CYS1: variants seen among roughly 807,000 people sequenced by gnomAD.
The protein encoded by CYS1 is cystin-1.
CYS1 carries 5 observed loss-of-function variants against 9.6 expected under a neutral mutation model. That is an observed-to-expected ratio of 0.52 (90% CI 0.27 to 1.10). The LOEUF (loss-of-function observed/expected upper bound fraction) is 1.10, where lower values mean the gene tolerates loss of function less well. Ranked by LOEUF, CYS1 falls within the 50% of genes least tolerant of loss-of-function variation. The pLI, the probability that CYS1 is intolerant of heterozygous loss-of-function variation, is 0.11. For missense variants in CYS1, 221 were observed against 207.9 expected, an observed-to-expected ratio of 1.06 and a Z score of -0.39; for synonymous variants, 88 against 95.7, an observed-to-expected ratio of 0.92 and a Z score of 0.47.
At chr2:10,071,123 G>A (rs775184673) in intron 1 of CYS1, among the ~76,000 whole-genome samples, 4 of 152,176 alleles carry the variant, frequency 2.6e-5, no homozygotes. Context: ...CCGCCACCAC[G>A]CCCAACTAAT....
chr2:10,061,498 C>T (rs1411457133), intron 2 of CYS1, among the ~76,000 whole-genome samples: 1 of 152,260 alleles, frequency 6.6e-6, no homozygotes, highest in East Asian at 1.9e-4. Context: ...AAAAGCCCCT[C>T]TGGGCTCACC....
chr2:10,073,638 AG>A (rs1385979205), intron 1 of CYS1, among the ~76,000 whole-genome samples: 1 of 116,574 alleles, frequency 8.6e-6, no homozygotes, highest in Non-Finnish European at 1.9e-5. Flanking sequence ...CACGGCATTT[AG>A]GGGCAGAAGG....
chr2:10,066,931 A>T (rs1402025673), intron 1 of CYS1, among the ~76,000 whole-genome samples: 1 of 152,152 alleles, frequency 6.6e-6, no homozygotes, highest in African/African-American at 2.4e-5. Flanking sequence ...ATAAATAGGG[A>T]ATATCTATTC....
At chr2:10,067,424 T>G (rs993896106) in intron 1 of CYS1, among the ~76,000 whole-genome samples, 9 of 150,118 alleles carry the variant, frequency 6.0e-5, no homozygotes, top group Admixed American at 6.6e-5. Context: ...TTTTTTTTTT[T>G]TGAGACAGGG....
intron 2 of CYS1, among the ~76,000 whole-genome samples, chr2:10,061,814 T>C (rs1661632669): frequency 6.6e-6 from 1 of 152,094 alleles, no homozygotes; most frequent in Admixed American, 6.5e-5. Flanking sequence ...GGGCAATTTG[T>C]GGGGCTTAGA....
intron 1 of CYS1, among the ~76,000 whole-genome samples, chr2:10,073,888 C>A (rs995369089): frequency 7.9e-5 from 12 of 152,098 alleles, no homozygotes; most frequent in Non-Finnish European, 1.8e-4. Context: ...GTACCCCTGA[C>A]CGTGATGCAA....
intron 1 of CYS1, among the ~76,000 whole-genome samples, chr2:10,074,497 G>T (rs1661816733): frequency 6.6e-6 from 1 of 152,102 alleles, no homozygotes. Context: ...TATTACACAG[G>T]CTGGGAAGAC....
At chr2:10,067,406 C>CTTTTTTTT (rs34525296) in intron 1 of CYS1, among the ~76,000 whole-genome samples, 3 of 118,118 alleles carry the variant, frequency 2.5e-5, no homozygotes, top group African/African-American at 6.3e-5. Flanking sequence ...AAATTCTTTT[C>CTTTTTTTT]TTTTTTTTTT....
Position 10,058,822 on chromosome 2 carries a change from C to G in CYS1, c.*31G>C. ...GGGTGCCCCAGCCAGCAGGTGCCTC[C>G]GAGGCCTGGCGGGGGTGGAGCATGC... On this transcript the variant is annotated 3_prime_UTR_variant, in exon 3 of 3. Coordinates refer to ENST00000381813, the MANE Select transcript of CYS1 (RefSeq NM_001037160.3). The G allele has an allele frequency of 6.5e-7, 1 of 1,527,836 alleles. No individual in the cohort carries two copies. The highest frequency in any genetic ancestry group is 8.8e-7 in the Non-Finnish European group (1 of 1,132,362). The allele number at this position is 1,527,836 out of a possible 1,614,324, so 94.6% of individuals were successfully genotyped here.
intron 1 of CYS1, among the ~76,000 whole-genome samples, chr2:10,079,633 G>T (rs1307233771): frequency 6.6e-6 from 1 of 151,810 alleles, no homozygotes; most frequent in Non-Finnish European, 1.5e-5. Context: ...GGGCCCGAGG[G>T]GAGCCGGGAG....
At chr2:10,059,766 AC>A (rs1353334874) in intron 2 of CYS1, among the ~76,000 whole-genome samples, 1 of 152,232 alleles carries the variant, frequency 6.6e-6, no homozygotes, top group Non-Finnish European at 1.5e-5. Context: ...CCGTGCTTGT[AC>A]CCTCTGGGGT....
rs1661917867 is a variant in CYS1 at position 10,079,968 on chromosome 2, G to T, written c.256C>A (p.Pro86Thr). Residue 86 changes from proline (P) to threonine (T), a missense_variant, in exon 1 of 3, where the codon CCC becomes ACC. Transcript: ENST00000381813. The stretch of plus-strand genomic sequence containing the variant: ...GGGCGGCGCGGGGCGGGCTCCGGGG[G>T]GCCCCAGGCCGCCGACTCGGCCAGC... The part of the protein sequence containing the change: ...ELLAESAAWG[P>T]PEPAPRRPAR... The T allele has an allele frequency of 4.5e-6, 5 of 1,108,530 alleles. No homozygotes were observed. The South Asian group carries it at 1.7e-4, about 38-fold the overall frequency. 68.7% of individuals were successfully genotyped at this position (1,108,530 alleles called of 1,614,324 possible).
rs539463268 is a variant in CYS1 at position 10,059,481 on chromosome 2, G to T, written c.372-523C>A. Among the ~76,000 whole-genome samples the T allele has an allele frequency of 1.1e-3, 175 of 152,328 alleles. 2 individuals carry two copies. Among genetic ancestry groups the T allele is most frequent in the African/African-American group, 4.0e-3 (167 of 41,570 alleles). ...GGAGGCCCAGGTGGGCAGATCACTT[G>T]AGGTCAGGAATTCGAGACCAGCCTG... is the stretch of plus-strand genomic sequence containing the variant. On this transcript the variant is annotated intron_variant, in intron 2 of 2. Transcript: ENST00000381813.
At chr2:10,078,231 G>C (rs1661886737) in intron 1 of CYS1, among the ~76,000 whole-genome samples, 1 of 152,098 alleles carries the variant, frequency 6.6e-6, no homozygotes, top group African/African-American at 2.4e-5. Flanking sequence ...CACCGCCACT[G>C]CCTTGGTTCA....
In CYS1 at chr2:10,079,933, G is replaced by A. The variant is rs1661917113; in HGVS notation, c.291C>T (p.Leu97=). The change falls in exon 1 of 3, where the codon CTC becomes CTT. Residue 97 remains leucine, a synonymous_variant. Transcript: ENST00000381813. Reference sequence around the variant, plus strand: ...CGCTCCCCGCGACCGCGGTGGGTCGGAGCCGGGCTGGGCGGCGCGGGGCGG... The same window carrying A: ...CGCTCCCCGCGACCGCGGTGGGTCGAAGCCGGGCTGGGCGGCGCGGGGCGG... ...PEPAPRRPAR[L]RPTAVAGSAV... The A allele has an allele frequency of 8.9e-7, 1 of 1,120,652 alleles. No homozygotes were observed. The highest frequency in any genetic ancestry group is 1.1e-6 in the Non-Finnish European group (1 of 916,658). The allele number at this position is 1,120,652 out of a possible 1,614,324, so 69.4% of individuals were successfully genotyped here.
chr2:10,057,160 A>G lies in CYS1; in HGVS notation c.*1693T>C, dbSNP rs752086586. ...TTTACATGTTTAAATTCAAAGCCTG[A>G]TCCATCTGGTGGTAAGAAATGTTAA... On this transcript the variant is annotated 3_prime_UTR_variant, in exon 3 of 3. Transcript: ENST00000381813. The G allele has an allele frequency of 1.3e-4, 20 of 152,294 alleles. No homozygotes were observed. Among genetic ancestry groups the G allele is most frequent in the Non-Finnish European group, 2.4e-4 (16 of 68,050 alleles). The allele number at this position is 152,294 out of a possible 1,614,324, so 9.4% of individuals were successfully genotyped here. A position where few individuals can be genotyped will look rare whatever the true frequency, so the allele number is the denominator to read the frequency against.
At position 10,056,791 on chromosome 2, in the gene CYS1, A is replaced by G. The variant is rs946160553; in HGVS notation, c.*2062T>C. ...AGGGCCGGCTCAGCGGCTGGTACAC[A>G]CTGCTTTATTTGTTCTTTTTATTAT... On this transcript the variant is annotated 3_prime_UTR_variant, in exon 3 of 3. Coordinates refer to ENST00000381813, the MANE Select transcript of CYS1 (RefSeq NM_001037160.3). 2 of 152,034 alleles carry G rather than the reference A, an allele frequency of 1.3e-5. No individual in the cohort carries two copies. The highest frequency in any genetic ancestry group is 4.1e-4 in the South Asian group (2 of 4,830). 9.4% of individuals were successfully genotyped at this position (152,034 alleles called of 1,614,324 possible).
chr2:10,059,060 A>C, intron 2 of CYS1, 102 bp from the exon 3 acceptor site: 1 of 1,100,196 alleles, frequency 9.1e-7, no homozygotes, highest in Non-Finnish European at 1.3e-6. Context: ...CCATCCTGAA[A>C]CCCAAACCGA....
intron 1 of CYS1, among the ~76,000 whole-genome samples, chr2:10,071,329 A>C (rs1661765582): frequency 6.6e-6 from 1 of 152,180 alleles, no homozygotes; most frequent in Non-Finnish European, 1.5e-5. Context: ...CAGGGTGGAC[A>C]CTGAGCTGCC....
Sources: allele counts gnomAD v4.1 joint callset (sites outside exome capture counted in the v4.1 genomes callset), GRCh38; gene constraint gnomAD v4.1.1; transcripts MANE v1.5; gene names NCBI Gene and HGNC (gene_info 2026-07-23, HGNC 2026-07-21).